The following DLG2 variants were observed in gnomAD, a reference collection of about 807,000 sequenced individuals.
DLG2 encodes the protein discs large MAGUK scaffold protein 2.
DLG2 carries 45 observed loss-of-function variants against 132.5 expected under a neutral mutation model. The ratio of observed to expected loss-of-function variants is 0.34; its 90% CI spans 0.27 to 0.44. The LOEUF is 0.44. Among genes scored for constraint, DLG2 ranks in the 20% least tolerant of loss-of-function variants. The pLI is 1.00. For synonymous variants in DLG2, 424 were observed against 419.6 expected (o/e 1.01, Z -0.13); for missense variants, 1,045 against 1,196.9 (o/e 0.87, Z 1.87).
At chr11:84,238,042 T>TAAAAAAA (rs71036414) in intron 8 of DLG2, among the ~76,000 whole-genome samples, 4 of 73,102 alleles carry the variant, frequency 5.5e-5, no homozygotes, top group Non-Finnish European at 1.0e-4. Flanking sequence ...AGACTCTGCC[T>TAAAAAAA]AAAAAAAAAA....
chr11:84,187,502 T>C (rs1182554704), intron 8 of DLG2, among the ~76,000 whole-genome samples: 1 of 152,020 alleles, frequency 6.6e-6, no homozygotes, highest in East Asian at 1.9e-4. Context: ...AATCAAACCT[T>C]ACCAAGGACT....
chr11:84,845,676 G>A (rs1161995615), intron 6 of DLG2, among the ~76,000 whole-genome samples: 5 of 142,050 alleles, frequency 3.5e-5, no homozygotes, highest in African/African-American at 1.0e-4. Flanking sequence ...TTCTGTGATC[G>A]TCACTCTTTT....
chr11:83,626,084 T>C (rs1198737864), intron 19 of DLG2, among the ~76,000 whole-genome samples: 3 of 152,176 alleles, frequency 2.0e-5, no homozygotes, highest in African/African-American at 7.2e-5. Flanking sequence ...ATTACTGGGA[T>C]TTGCAGGTCC....
chr11:84,146,847 G>A (rs2095103640), intron 9 of DLG2, among the ~76,000 whole-genome samples: 1 of 152,070 alleles, frequency 6.6e-6, no homozygotes, highest in Non-Finnish European at 1.5e-5. Flanking sequence ...TTATAACATG[G>A]GAATTGGAAG....
chr11:85,081,980 G>T (rs146815622), intron 6 of DLG2, among the ~76,000 whole-genome samples: 1 of 152,166 alleles, frequency 6.6e-6, no homozygotes, highest in East Asian at 1.9e-4. Context: ...ACAGGCTACT[G>T]GCAATGATTT....
chr11:85,060,013 A>G (rs2063881365), intron 6 of DLG2, among the ~76,000 whole-genome samples: 1 of 151,716 alleles, frequency 6.6e-6, no homozygotes, highest in African/African-American at 2.4e-5. Flanking sequence ...ATTATTAACT[A>G]TAAGCACAAT....
intron 7 of DLG2, among the ~76,000 whole-genome samples, chr11:84,257,306 G>A (rs72955669): frequency 0.029 from 4,354 of 151,994 alleles, 78 homozygotes; most frequent in Middle Eastern, 0.058. Context: ...ACATCTCTAG[G>A]TGCTAGTAGG....
intron 3 of DLG2, among the ~76,000 whole-genome samples, chr11:85,550,595 G>A (rs528446888): frequency 4.0e-4 from 61 of 152,358 alleles, no homozygotes; most frequent in Non-Finnish European, 7.9e-4. Context: ...AGAGCGGCAG[G>A]CTGAGTAAAG....
At chr11:84,474,632 A>G (rs995579545) in intron 7 of DLG2, among the ~76,000 whole-genome samples, 4 of 152,124 alleles carry the variant, frequency 2.6e-5, no homozygotes, top group Non-Finnish European at 4.4e-5. Flanking sequence ...GTCCAAATTA[A>G]CACAGCCAAT....
intron 6 of DLG2, among the ~76,000 whole-genome samples, chr11:84,893,573 T>C (rs1230207066): frequency 6.6e-6 from 1 of 152,208 alleles, no homozygotes; most frequent in Non-Finnish European, 1.5e-5. Context: ...TCTGAAAGTT[T>C]ACTCAGTTGA....
chr11:83,700,817 A>G (rs751076950), intron 18 of DLG2, among the ~76,000 whole-genome samples: 1 of 152,186 alleles, frequency 6.6e-6, no homozygotes, highest in Admixed American at 6.5e-5. Context: ...TCTGCACTGA[A>G]AAGGAAAATT....
intron 3 of DLG2, among the ~76,000 whole-genome samples, chr11:85,383,848 T>C (rs1055193877): frequency 6.6e-6 from 1 of 152,186 alleles, no homozygotes; most frequent in Non-Finnish European, 1.5e-5. Context: ...CCCACACTTC[T>C]GCCAAGTTAG....
intron 7 of DLG2, among the ~76,000 whole-genome samples, chr11:84,487,185 G>A (rs2099153247): frequency 6.6e-6 from 1 of 151,992 alleles, no homozygotes; most frequent in South Asian, 2.1e-4. Flanking sequence ...TTCAGAGTCT[G>A]TGTTTATCTG....
At chr11:83,476,244 G>T (rs557575972) in intron 22 of DLG2, among the ~76,000 whole-genome samples, 1 of 152,208 alleles carries the variant, frequency 6.6e-6, no homozygotes, top group South Asian at 2.1e-4. Context: ...TAGGGTTCAT[G>T]TGCTTCATAG....
chr11:85,116,243 T>C (rs949069463), intron 5 of DLG2, among the ~76,000 whole-genome samples: 1 of 152,002 alleles, frequency 6.6e-6, no homozygotes, highest in Non-Finnish European at 1.5e-5. Context: ...TTTTATGAGC[T>C]AATTCTTGTT....
At chr11:85,429,248 A>C (rs2090996207) in intron 3 of DLG2, among the ~76,000 whole-genome samples, 1 of 152,212 alleles carries the variant, frequency 6.6e-6, no homozygotes, top group African/African-American at 2.4e-5. Flanking sequence ...AATCAGAAAA[A>C]GAGGGAATCC....
At chr11:84,414,195 A>G (rs2098920519) in intron 7 of DLG2, among the ~76,000 whole-genome samples, 2 of 152,172 alleles carry the variant, frequency 1.3e-5, no homozygotes, top group Admixed American at 6.5e-5. Flanking sequence ...ACTATTGTGA[A>G]GATTAAATAA....
intron 6 of DLG2, among the ~76,000 whole-genome samples, chr11:84,736,496 T>C (rs185659350): frequency 2.6e-5 from 4 of 152,094 alleles, no homozygotes; most frequent in Non-Finnish European, 4.4e-5. Flanking sequence ...ATCTTAATGA[T>C]ACTGATTCTT....
chr11:83,493,336 TTTCCTTCCTTCCTTCCTTCCTTCC>T (rs201830272), intron 21 of DLG2, among the ~76,000 whole-genome samples: 3,812 of 132,146 alleles, frequency 0.029, 151 homozygotes, highest in African/African-American at 0.087. Flanking sequence ...CTTTTCTTTC[TTTCCTTCCTTCCTTCCTTCCTTCC>T]TTCCTTCCTT....
Sources: gnomAD v4.1 joint callset for allele counts (sites outside exome capture counted in the v4.1 genomes callset) on GRCh38, gnomAD v4.1.1 for gene constraint, MANE v1.5 for transcripts, NCBI Gene and HGNC (gene_info 2026-07-23, HGNC 2026-07-21) for gene names.